BMP6: variants seen among roughly 807,000 people sequenced by gnomAD.
BMP6 encodes VG-1-R.
In BMP6, 17 loss-of-function variants were observed where a neutral mutation model predicts 54.1. The observed-to-expected ratio is 0.31, with a 90% CI of 0.22 to 0.47. The LOEUF is 0.47. BMP6 is among the 20% of genes least tolerant of loss of function. The probability of loss-of-function intolerance (pLI) is 1.00; values close to 1 mark genes in which losing one functional copy is unlikely to be tolerated. For missense variants in BMP6, 720 were observed against 690.4 expected (o/e 1.04, Z -0.48); for synonymous variants, 328 against 291.2 (o/e 1.13, Z -1.28).
intron 1 of BMP6, among the ~76,000 whole-genome samples, chr6:7,842,992 T>C (rs114308328): frequency 0.012 from 1,755 of 152,336 alleles, 8 homozygotes; most frequent in Non-Finnish European, 0.016. Context: ...TTAGAAAGTC[T>C]CTTTGGAAAA....
At chr6:7,865,628 G>A (rs1406400969) in intron 4 of BMP6, among the ~76,000 whole-genome samples, 2 of 152,110 alleles carry the variant, frequency 1.3e-5, no homozygotes, top group African/African-American at 2.4e-5. Flanking sequence ...CCTCTCCCTC[G>A]GGGTCTCTGT....
chr6:7,744,467 C>T (rs1224695278), intron 1 of BMP6, among the ~76,000 whole-genome samples: 3 of 152,012 alleles, frequency 2.0e-5, no homozygotes, highest in South Asian at 4.1e-4. Context: ...CAGAGTGAGA[C>T]TCCATCTCAA....
At chr6:7,798,880 T>C (rs559712405) in intron 1 of BMP6, among the ~76,000 whole-genome samples, 8 of 152,310 alleles carry the variant, frequency 5.3e-5, no homozygotes, top group Admixed American at 3.9e-4. Context: ...ACAGATTCCA[T>C]GGCCAGACGC....
chr6:7,858,418 C>T (rs1270134323), intron 2 of BMP6, among the ~76,000 whole-genome samples: 1 of 152,070 alleles, frequency 6.6e-6, no homozygotes, highest in Non-Finnish European at 1.5e-5. Context: ...TGTGCCTGTC[C>T]TGTGTATCTT....
intron 1 of BMP6, among the ~76,000 whole-genome samples, chr6:7,732,246 G>A (rs1581224123): frequency 6.6e-6 from 1 of 152,176 alleles, no homozygotes; most frequent in Admixed American, 6.5e-5. Flanking sequence ...GAATTTGGTT[G>A]CAAGAGTGTG....
intron 5 of BMP6, among the ~76,000 whole-genome samples, chr6:7,879,351 C>CCTG (rs1307344775): frequency 6.6e-6 from 1 of 152,120 alleles, no homozygotes; most frequent in Non-Finnish European, 1.5e-5. Context: ...ACCAGGCGCT[C>CCTG]CAACACCTTC....
In BMP6 at chr6:7,877,855, T is replaced by C. The variant is rs1437493768; in HGVS notation, c.1205-1219T>C. Among the ~76,000 whole-genome samples the C allele has an allele frequency of 2.0e-5, 3 of 152,192 alleles. No homozygotes were observed. In the East Asian group the frequency reaches 5.8e-4, roughly 29 times the overall value. ...TCTCTAAAGCCTTCTCCTTGCCTTTTCTCTCTCCGTCGTTTCTCGAACTCT... is the reference window on the plus strand; with the variant it reads ...TCTCTAAAGCCTTCTCCTTGCCTTTCCTCTCTCCGTCGTTTCTCGAACTCT... On this transcript the variant is annotated intron_variant, in intron 4 of 6. Coordinates refer to ENST00000283147, the MANE Select transcript of BMP6 (RefSeq NM_001718.6).
intron 1 of BMP6, among the ~76,000 whole-genome samples, chr6:7,771,112 A>G (rs1264326133): frequency 6.6e-6 from 1 of 152,100 alleles, no homozygotes; most frequent in South Asian, 2.1e-4. Flanking sequence ...TCTGATTTTT[A>G]TTTTTTACCT....
chr6:7,734,369 G>C (rs2113107266), intron 1 of BMP6, among the ~76,000 whole-genome samples: 1 of 152,264 alleles, frequency 6.6e-6, no homozygotes, highest in South Asian at 2.1e-4. Context: ...TCTCTTTACT[G>C]CTGTTACCTC....
intron 4 of BMP6, among the ~76,000 whole-genome samples, chr6:7,875,992 T>C (rs1223368026): frequency 1.3e-5 from 2 of 152,160 alleles, no homozygotes; most frequent in African/African-American, 4.8e-5. Context: ...GACATTTGAT[T>C]GGCTTTGATG....
At chr6:7,776,005 G>A (rs1021447306) in intron 1 of BMP6, among the ~76,000 whole-genome samples, 2 of 152,098 alleles carry the variant, frequency 1.3e-5, no homozygotes, top group Non-Finnish European at 2.9e-5. Context: ...ACTTGATCTC[G>A]TTAGAATGAA....
At chr6:7,808,913 C>CA (rs1284424360) in intron 1 of BMP6, among the ~76,000 whole-genome samples, 2 of 61,592 alleles carry the variant, frequency 3.2e-5, no homozygotes, top group Admixed American at 1.9e-4. Context: ...GACCCTGTCT[C>CA]TAAAAAAAAA....
chr6:7,745,789 T>C (rs956544033), intron 1 of BMP6, among the ~76,000 whole-genome samples: 3 of 150,794 alleles, frequency 2.0e-5, no homozygotes, highest in Non-Finnish European at 3.0e-5. Context: ...CAGAGCATGA[T>C]GGTATCTATG....
chr6:7,805,294 G>A (rs374614425), intron 1 of BMP6, among the ~76,000 whole-genome samples: 3 of 152,086 alleles, frequency 2.0e-5, no homozygotes, highest in East Asian at 1.9e-4. Flanking sequence ...TATACAATGC[G>A]GACTTCATAA....
intron 1 of BMP6, among the ~76,000 whole-genome samples, chr6:7,800,390 T>C (rs1282705327): frequency 6.6e-6 from 1 of 152,214 alleles, no homozygotes; most frequent in Non-Finnish European, 1.5e-5. Context: ...TAATCAATAA[T>C]GTCCATAAAA....
chr6:7,750,429 A>C (rs1032303095), intron 1 of BMP6, among the ~76,000 whole-genome samples: 26 of 152,224 alleles, frequency 1.7e-4, no homozygotes, highest in Admixed American at 1.5e-3. Flanking sequence ...TGAAACTGAA[A>C]GCCGAGCAGA....
intron 1 of BMP6, among the ~76,000 whole-genome samples, chr6:7,751,230 GA>G (rs1354010407): frequency 6.6e-6 from 1 of 152,206 alleles, no homozygotes; most frequent in African/African-American, 2.4e-5. Flanking sequence ...GTCAAAGAAA[GA>G]ACTGGCTTGA....
In BMP6 at chr6:7,727,629, T is replaced by C; in HGVS notation, c.664+10T>C. On this transcript the variant is annotated intron_variant, in intron 1 of 6. Transcript: ENST00000283147. ...AGCTTTGTGAACCTGGGTAAGGATT[T>C]GGGGTAACGTAATGACGAGAACATT... 1.3e-6 allele frequency: 2 copies of C among 1,533,074 alleles called. No individual in the cohort carries two copies. Among genetic ancestry groups the C allele is most frequent in the Non-Finnish European group, 1.7e-6 (2 of 1,147,696 alleles). 95.0% of individuals were successfully genotyped at this position (1,533,074 alleles called of 1,614,324 possible).
At chr6:7,756,051 G>A (rs925375321) in intron 1 of BMP6, among the ~76,000 whole-genome samples, 3 of 151,890 alleles carry the variant, frequency 2.0e-5, no homozygotes, top group Non-Finnish European at 2.9e-5. Flanking sequence ...GTTTCTATCT[G>A]TGAGTTTATA....
Sources: gnomAD v4.1 joint callset for allele counts (sites outside exome capture counted in the v4.1 genomes callset) on GRCh38, gnomAD v4.1.1 for gene constraint, MANE v1.5 for transcripts, NCBI Gene and HGNC (gene_info 2026-07-23, HGNC 2026-07-21) for gene names.